The following MTA1 variants were observed in gnomAD, a reference collection of about 807,000 sequenced individuals.
MTA1 encodes the protein metastasis-associated protein MTA1.
A neutral mutation model predicts 97.0 loss-of-function variants in MTA1; 15 were observed. The observed-to-expected ratio is 0.15, with a 90% CI of 0.10 to 0.24. The LOEUF (loss-of-function observed/expected upper bound fraction) is 0.24, where lower values mean the gene tolerates loss of function less well. Ranked by LOEUF, MTA1 falls within the 10% of genes least tolerant of loss-of-function variation. MTA1 has a pLI of 1.00. For synonymous variants in MTA1, 435 were observed against 417.5 expected (o/e 1.04, Z -0.51); for missense variants, 709 against 1,015.1 (o/e 0.70, Z 4.10).
chr14:105,441,108 G>A (rs914652841), intron 2 of MTA1, among the ~76,000 whole-genome samples: 4 of 151,140 alleles, frequency 2.6e-5, no homozygotes, highest in Non-Finnish European at 2.9e-5. Context: ...CGGAAGGCCT[G>A]TCTGGGGGGT....
At chr14:105,464,354 A>T in intron 13 of MTA1, 62 bp from the exon 14 acceptor site, 1 of 1,594,908 alleles carries the variant, frequency 6.3e-7, no homozygotes, top group Admixed American at 1.7e-5. Flanking sequence ...GGTGGCGGGG[A>T]ATACTCTGAC....
rs781797508 is a variant in MTA1, at chr14:105,464,580, A to G, written c.1344+13A>G. 2 of 1,611,984 alleles carry G rather than the reference A, an allele frequency of 1.2e-6. No homozygotes were observed. The highest frequency in any genetic ancestry group is 1.7e-4 in the Middle Eastern group (1 of 6,058). On this transcript the variant is annotated intron_variant, in intron 14 of 20. Transcript: ENST00000331320. Reference sequence around the variant, plus strand: ...CCGCAGTAACATGGTAAGGGGGGGGACACCCGCCCTGCCTGCCATGAGCCT... The same window carrying G: ...CCGCAGTAACATGGTAAGGGGGGGGGCACCCGCCCTGCCTGCCATGAGCCT...
In MTA1 at chr14:105,464,579, G is replaced by A. The variant is rs587710996; in HGVS notation, c.1344+12G>A. 1.9e-6 allele frequency: 3 copies of A among 1,612,510 alleles called. No individual in the cohort carries two copies. The highest frequency in any genetic ancestry group is 1.1e-5 in the South Asian group (1 of 91,080). The stretch of plus-strand genomic sequence containing the variant: ...ACCGCAGTAACATGGTAAGGGGGGG[G>A]ACACCCGCCCTGCCTGCCATGAGCC... On this transcript the variant is annotated intron_variant, in intron 14 of 20. Coordinates refer to ENST00000331320, the MANE Select transcript of MTA1 (RefSeq NM_004689.4).
At position 105,460,809 on chromosome 14, in the gene MTA1, C is replaced by T; in HGVS notation, c.798C>T (p.Ser266=). Residue 266 remains serine (S), a synonymous_variant, in exon 10 of 21, where the codon TCC becomes TCT. Transcript: ENST00000331320. ...TCCACAAGAACATCTACGACATCTCCAAGGCCATCTCGGCGCTGGTGCCGC... is the reference window on the plus strand; with the variant it reads ...TCCACAAGAACATCTACGACATCTCTAAGGCCATCTCGGCGCTGGTGCCGC... ...DTLHKNIYDI[S]KAISALVPQG... 6.2e-7 allele frequency: 1 copy of T among 1,610,030 alleles called. No individual in the cohort carries two copies. Among genetic ancestry groups the T allele is most frequent in the Non-Finnish European group, 8.5e-7 (1 of 1,178,428 alleles).
At chr14:105,441,743 G>T (rs28405660) in intron 2 of MTA1, among the ~76,000 whole-genome samples, 2 of 152,042 alleles carry the variant, frequency 1.3e-5, no homozygotes, top group Non-Finnish European at 1.5e-5. Flanking sequence ...GCAGTGAGCC[G>T]AGATCCCGCC....
rs587669437 is a variant in MTA1 at position 105,438,582 on chromosome 14, G to A, written c.29-90G>A. On this transcript the variant is annotated intron_variant, in intron 1 of 20. Transcript: ENST00000331320. ...AGAGGTGAGGGGATGACACTGCCCC[G>A]CCTGAGCCCCGAGTCCCTGGGCCAC... 59 of 1,147,354 alleles carry A rather than the reference G, an allele frequency of 5.1e-5. No homozygotes were observed. In the Middle Eastern group the frequency reaches 7.5e-4, roughly 15 times the overall value. The allele number at this position is 1,147,354 out of a possible 1,614,324, so 71.1% of individuals were successfully genotyped here. A position where few individuals can be genotyped will look rare whatever the true frequency, so the allele number is the denominator to read the frequency against.
At chr14:105,448,705 G>A (rs587761147) in intron 3 of MTA1, among the ~76,000 whole-genome samples, 3 of 30,628 alleles carry the variant, frequency 9.8e-5, no homozygotes, top group South Asian at 0.022. Context: ...AGATAGGGCC[G>A]GCCCAGAACA....
intron 2 of MTA1, among the ~76,000 whole-genome samples, chr14:105,438,945 T>G (rs587612270): frequency 6.6e-6 from 1 of 152,336 alleles, no homozygotes; most frequent in African/African-American, 2.4e-5. Flanking sequence ...GGTGGCCTCA[T>G]GCAGGACCCA....
intron 16 of MTA1, chr14:105,465,483 T>G: frequency 8.0e-6 from 2 of 249,770 alleles, no homozygotes; most frequent in Admixed American, 5.2e-5. Context: ...CCAGTCTCGC[T>G]ACCCTGTTCC....
Position 105,458,299 on chromosome 14 carries a change from T to C in MTA1, c.580T>C (p.Leu194=), listed in dbSNP as rs782704100. ...GEEDGRDQSR[L]ETQVWEAHNP... ...GGAGGATGGCCGAGACCAGTCCAGG[T>C]TGGAGACCCAGGTGTGGGAGGCGCA... The change falls in exon 8 of 21, where the codon TTG becomes CTG. Residue 194 remains leucine, a synonymous_variant. Transcript: ENST00000331320. 9.3e-6 allele frequency: 15 copies of C among 1,612,494 alleles called. No homozygotes were observed. Among genetic ancestry groups the C allele is most frequent in the East Asian group, 2.2e-5 (1 of 44,850 alleles).
At chr14:105,439,215 C>A (rs10150587) in intron 2 of MTA1, among the ~76,000 whole-genome samples, 75 of 37,344 alleles carry the variant, frequency 2.0e-3, no homozygotes, top group African/African-American at 3.2e-3. Flanking sequence ...GGCAGCCCTG[C>A]AGGGCTGTGA....
In MTA1 at chr14:105,463,590, G is replaced by A; in HGVS notation, c.1076+39G>A. On this transcript the variant is annotated intron_variant, in intron 12 of 20. Coordinates refer to ENST00000331320, the MANE Select transcript of MTA1 (RefSeq NM_004689.4). The surrounding 1 kb of genome is among the most constrained non-coding windows in gnomAD (Gnocchi z 5.9). ...CACAGCCGTCGTCCTCGTGGCCCCG[G>A]GGGCCAGGGAGGGTGGGCACAGGGT... The A allele has an allele frequency of 6.2e-7, 1 of 1,604,458 alleles. No individual in the cohort carries two copies. The highest frequency in any genetic ancestry group is 8.5e-7 in the Non-Finnish European group (1 of 1,172,518).
intron 1 of MTA1, among the ~76,000 whole-genome samples, chr14:105,429,999 C>T (rs893070336): frequency 6.6e-6 from 1 of 151,932 alleles, no homozygotes; most frequent in Non-Finnish European, 1.5e-5. Flanking sequence ...TCAAGTGATC[C>T]ACCTGCTTTG....
chr14:105,426,375 CAAAAAAAAAAAAA>C (rs781801650), intron 1 of MTA1, among the ~76,000 whole-genome samples: 1 of 104,094 alleles, frequency 9.6e-6, no homozygotes, highest in Non-Finnish European at 1.8e-5. Flanking sequence ...CTTCGTCTCA[CAAAAAAAAAAAAA>C]AAAAAAAAGA....
chr14:105,460,556 T>G (rs1595396979), intron 9 of MTA1, 99 bp downstream of exon 9: 1 of 1,294,454 alleles, frequency 7.7e-7, no homozygotes, highest in Non-Finnish European at 1.0e-6. Flanking sequence ...CTGCCCCAGG[T>G]ATTCAGGACC....
chr14:105,445,223 C>G (rs754632455), intron 2 of MTA1, among the ~76,000 whole-genome samples, 195 bp from the exon 3 acceptor site: 3 of 152,200 alleles, frequency 2.0e-5, no homozygotes, highest in Non-Finnish European at 2.9e-5. Context: ...CGCCTTCTCC[C>G]CTGGGATAGA....
Position 105,465,118 on chromosome 14 carries a change from C to T in MTA1, c.1559C>T (p.Ser520Phe), listed in dbSNP as rs1187970091. Residue 520 changes from serine (S) to phenylalanine (F), a missense_variant, in exon 16 of 21, where the codon TCC (serine) becomes TTC (phenylalanine). By Grantham distance (155) the Ser-to-Phe change is radical (BLOSUM62 -2). This residue lies in a region of MTA1 where 388 missense variants were observed against 421.6 expected (regional missense o/e 0.92). Transcript: ENST00000331320. ...GGCACGGCGCGGCTGCCCGAAGCCT[C>T]CCAGAGCCCGCTGGTGCTGAAGCAG... ...AECTARLPEA[S>F]QSPLVLKQAV... 3 of 1,523,518 alleles carry T rather than the reference C, an allele frequency of 2.0e-6. No homozygotes were observed. The highest frequency in any genetic ancestry group is 2.7e-6 in the Non-Finnish European group (3 of 1,131,268). 94.4% of individuals were successfully genotyped at this position (1,523,518 alleles called of 1,614,324 possible).
intron 18 of MTA1, chr14:105,468,453 G>A: frequency 9.0e-7 from 1 of 1,112,202 alleles, no homozygotes; most frequent in Non-Finnish European, 1.2e-6. Flanking sequence ...CGCAGATCAG[G>A]CACCTGGGCC....
rs199684521 is a variant in MTA1 at position 105,464,099 on chromosome 14, G to A, written c.1144G>A (p.Ala382Thr). Residue 382 changes from alanine to threonine, a missense_variant, in exon 13 of 21, where the codon GCG becomes ACG. Physicochemically the swap from Ala to Thr is moderately conservative, Grantham distance 58. Coordinates refer to ENST00000331320, the MANE Select transcript of MTA1 (RefSeq NM_004689.4). ...VKAGVVNGTGAPGQSPGAGRA... is the reference protein window; with the variant it reads ...VKAGVVNGTGTPGQSPGAGRA... ...GGCCGGTGTGGTGAACGGCACGGGG[G>A]CGCCGGGCCAGAGCCCTGGGGCTGG... is the stretch of plus-strand genomic sequence containing the variant. 38 of 1,612,370 alleles carry A rather than the reference G, an allele frequency of 2.4e-5. No homozygotes were observed. Among genetic ancestry groups the A allele is most frequent in the South Asian group, 2.0e-4 (18 of 91,038 alleles).
Sources: gnomAD v4.1 joint callset for allele counts (sites outside exome capture counted in the v4.1 genomes callset) on GRCh38, gnomAD v4.1.1 for gene constraint, gnomAD v4.1.1 regional missense constraint, Gnocchi (gnomAD v3.1) non-coding constraint, MANE v1.5 for transcripts, NCBI Gene and HGNC (gene_info 2026-07-23, HGNC 2026-07-21) for gene names.